MALRD1: variants seen among roughly 807,000 people sequenced by gnomAD.
MALRD1 encodes the protein MAM and LDL receptor class A domain containing 1.
MALRD1 carries 247 observed loss-of-function variants against 242.1 expected under a neutral mutation model. The observed-to-expected ratio is 1.02, with a 90% CI of 0.92 to 1.13. The LOEUF is 1.13. Ranked by LOEUF, MALRD1 falls within the 50% of genes most tolerant of loss-of-function variation. The probability of loss-of-function intolerance (pLI) is 0.00; values close to 1 mark genes in which losing one functional copy is unlikely to be tolerated. For missense variants in MALRD1, 2,989 were observed against 2,533.1 expected, an observed-to-expected ratio of 1.18 and a Z score of -3.86; for synonymous variants, 995 against 866.6, an observed-to-expected ratio of 1.15 and a Z score of -2.60.
chr10:19,575,528 C>G (rs1236081763), intron 33 of MALRD1, among the ~76,000 whole-genome samples: 1 of 151,804 alleles, frequency 6.6e-6, no homozygotes, highest in African/African-American at 2.4e-5. Context: ...CACACTTACT[C>G]AGCATTACTA....
intron 25 of MALRD1, among the ~76,000 whole-genome samples, chr10:19,348,777 C>G (rs1577306): frequency 0.017 from 2,632 of 152,124 alleles, 76 homozygotes; most frequent in African/African-American, 0.06. Context: ...TACATATAGT[C>G]CAAATTAAGT....
intron 29 of MALRD1, among the ~76,000 whole-genome samples, chr10:19,465,742 C>T (rs1836189124): frequency 1.3e-5 from 2 of 152,120 alleles, no homozygotes; most frequent in African/African-American, 4.8e-5. Flanking sequence ...CCATGCTGCC[C>T]ATGCTAGTCT....
In MALRD1 at chr10:19,494,173, C is replaced by T. The variant is rs914920105; in HGVS notation, c.5158+2528C>T. 5.3e-5 allele frequency among the ~76,000 whole-genome samples: 8 copies of T among 152,316 alleles called. No individual in the cohort carries two copies. The East Asian group carries it at 1.5e-3, about 29-fold the overall frequency. On this transcript the variant is annotated intron_variant, in intron 30 of 39. Coordinates refer to ENST00000454679, the MANE Select transcript of MALRD1 (RefSeq NM_001142308.3). ...ACCCCAAATCGTCAACACCAAAGTA[C>T]TTTGCTAGCATACCCTCCATCAAAC... is the stretch of plus-strand genomic sequence containing the variant.
intron 21 of MALRD1, among the ~76,000 whole-genome samples, chr10:19,295,691 C>G (rs992977348): frequency 3.3e-5 from 5 of 152,100 alleles, no homozygotes; most frequent in Non-Finnish European, 5.9e-5. Context: ...TTTCATGTGT[C>G]TCCTAGACCT....
intron 14 of MALRD1, among the ~76,000 whole-genome samples, chr10:19,198,125 A>G (rs1203845073): frequency 2.0e-5 from 3 of 152,100 alleles, no homozygotes; most frequent in Admixed American, 6.6e-5. Context: ...GTATACATAG[A>G]TATTTAATAT....
In MALRD1 at chr10:19,524,634, CT is replaced by C. The variant is rs1027513963; in HGVS notation, c.5321-6559del. Among the ~76,000 whole-genome samples, 19 of 152,038 alleles carry C rather than the reference CT, an allele frequency of 1.2e-4. 1 individual carries two copies. ...AGAGGCAGACTGAATAAATCTGACT[CT>C]GAAGAATGGAGCTTTTGCTATTTTG... On this transcript the variant is annotated intron_variant, in intron 31 of 39. Transcript: ENST00000454679.
intron 28 of MALRD1, among the ~76,000 whole-genome samples, chr10:19,438,202 A>G (rs761409129): frequency 1.3e-5 from 2 of 151,926 alleles, no homozygotes; most frequent in Non-Finnish European, 2.9e-5. Context: ...GTCTTATATA[A>G]GTGGAATCAT....
intron 8 of MALRD1, among the ~76,000 whole-genome samples, chr10:19,130,732 A>T (rs1833067174): frequency 1.3e-5 from 2 of 152,148 alleles, no homozygotes; most frequent in South Asian, 4.1e-4. Flanking sequence ...GTATGTATTT[A>T]GTATGTATGT....
intron 36 of MALRD1, among the ~76,000 whole-genome samples, chr10:19,677,136 G>A (rs1246837159): frequency 3.9e-5 from 6 of 152,236 alleles, no homozygotes; most frequent in Middle Eastern, 3.4e-3. Context: ...ATGTGAGCCC[G>A]TATCTTTATA....
intron 32 of MALRD1, among the ~76,000 whole-genome samples, chr10:19,548,156 C>A (rs963344495): frequency 2.7e-5 from 4 of 150,908 alleles, no homozygotes; most frequent in African/African-American, 9.8e-5. Flanking sequence ...TGCACCACCA[C>A]CCCTGGCTAA....
intron 26 of MALRD1, among the ~76,000 whole-genome samples, chr10:19,374,843 C>A (rs1845532296): frequency 6.6e-6 from 1 of 152,106 alleles, no homozygotes; most frequent in Non-Finnish European, 1.5e-5. Flanking sequence ...TGATATTAGC[C>A]AGAAACTAGT....
At chr10:19,719,334 C>CACTG (rs1026134702) in intron 38 of MALRD1, among the ~76,000 whole-genome samples, 3 of 148,854 alleles carry the variant, frequency 2.0e-5, no homozygotes, top group Non-Finnish European at 4.4e-5. Flanking sequence ...AATTTGCTAA[C>CACTG]ACTGCACTTG....
chr10:19,195,704 C>A (rs965909783), intron 14 of MALRD1, among the ~76,000 whole-genome samples: 2 of 152,152 alleles, frequency 1.3e-5, no homozygotes, highest in Non-Finnish European at 2.9e-5. Flanking sequence ...TCCTTATACT[C>A]CACATCCAGT....
At chr10:19,617,873 T>A (rs992270634) in intron 36 of MALRD1, among the ~76,000 whole-genome samples, 3 of 152,074 alleles carry the variant, frequency 2.0e-5, no homozygotes, top group Admixed American at 2.0e-4. Flanking sequence ...TTGAGTTAAA[T>A]ATTTATTAAG....
At chr10:19,259,112 A>C (rs1839641150) in intron 19 of MALRD1, among the ~76,000 whole-genome samples, 1 of 152,130 alleles carries the variant, frequency 6.6e-6, no homozygotes, top group Non-Finnish European at 1.5e-5. Context: ...GTTTCTTTTC[A>C]AACTTAGATA....
chr10:19,407,921 A>T (rs1333350803), intron 28 of MALRD1, among the ~76,000 whole-genome samples: 1 of 152,156 alleles, frequency 6.6e-6, no homozygotes, highest in Non-Finnish European at 1.5e-5. Flanking sequence ...GAGAGTTTTG[A>T]AACACCCTGA....
chr10:19,616,071 T>G (rs1366269145), intron 36 of MALRD1, 148 bp downstream of exon 36: 3 of 557,460 alleles, frequency 5.4e-6, no homozygotes, highest in Non-Finnish European at 9.3e-6. Flanking sequence ...TTTATCTGTC[T>G]GAATAAGGTA....
At chr10:19,054,610 C>G (rs956845404) in intron 1 of MALRD1, among the ~76,000 whole-genome samples, 1 of 152,190 alleles carries the variant, frequency 6.6e-6, no homozygotes, top group African/African-American at 2.4e-5. Flanking sequence ...TTCTGCTTCT[C>G]TAAGTTCAGT....
At chr10:19,437,856 C>T (rs866443301) in intron 28 of MALRD1, among the ~76,000 whole-genome samples, 1 of 152,044 alleles carries the variant, frequency 6.6e-6, no homozygotes, top group Admixed American at 6.6e-5. Flanking sequence ...TTCTATTATT[C>T]ATTTAAGCTT....
Sources: allele counts gnomAD v4.1 joint callset (sites outside exome capture counted in the v4.1 genomes callset), GRCh38; gene constraint gnomAD v4.1.1; transcripts MANE v1.5; gene names NCBI Gene and HGNC (gene_info 2026-07-23, HGNC 2026-07-21).